Variants in CDK14 observed in about 807,000 individuals in gnomAD.
The protein encoded by CDK14 is cyclin-dependent kinase 14.
A neutral mutation model predicts 60.7 loss-of-function variants in CDK14; 34 were observed. That is an observed-to-expected ratio of 0.56 (90% CI 0.43 to 0.75). CDK14 has a LOEUF of 0.75. Among genes scored for constraint, CDK14 ranks in the 30% least tolerant of loss-of-function variants. The pLI is 0.00. For synonymous variants in CDK14, 197 were observed against 203.7 expected (o/e 0.97, Z 0.28); for missense variants, 482 against 564.1 (o/e 0.85, Z 1.47).
Position 90,596,547 on chromosome 7 carries a change from C to T in CDK14, c.-81C>T, listed in dbSNP as rs1360566899. ...GTGGTGGAGGAGGAGGCGCCGCTTT[C>T]CCCGCGGCGCGCGCCCTCGCCGTTG... On this transcript the variant is annotated 5_prime_UTR_variant, in exon 1 of 15. Coordinates refer to ENST00000380050, the MANE Select transcript of CDK14 (RefSeq NM_001287135.2). 3 of 1,236,884 alleles carry T rather than the reference C, an allele frequency of 2.4e-6. No homozygotes were observed. Among genetic ancestry groups the T allele is most frequent in the East Asian group, 2.4e-5 (1 of 41,064 alleles). The allele number at this position is 1,236,884 out of a possible 1,614,324, so 76.6% of individuals were successfully genotyped here.
chr7:90,838,178 CTTATGCCTGTT>C (rs1165277981), intron 5 of CDK14, among the ~76,000 whole-genome samples: 1 of 152,042 alleles, frequency 6.6e-6, no homozygotes, highest in Admixed American at 6.6e-5. Context: ...TTTATAATTT[CTTATGCCTGTT>C]TTACTGCAAT....
chr7:90,858,185 G>C (rs1198854653), intron 5 of CDK14, among the ~76,000 whole-genome samples: 1 of 152,110 alleles, frequency 6.6e-6, no homozygotes, highest in Non-Finnish European at 1.5e-5. Flanking sequence ...AAAATGACTT[G>C]ATGCTTTTCT....
At chr7:90,803,534 G>A (rs1788723180) in intron 5 of CDK14, among the ~76,000 whole-genome samples, 1 of 152,056 alleles carries the variant, frequency 6.6e-6, no homozygotes. Context: ...TTCTGGATTG[G>A]GTAATTAGGT....
intron 10 of CDK14, among the ~76,000 whole-genome samples, chr7:91,021,539 A>G (rs1796435027): frequency 6.6e-6 from 1 of 152,246 alleles, no homozygotes; most frequent in Admixed American, 6.5e-5. Flanking sequence ...ACACTGTGAT[A>G]CAAAAATGAA....
chr7:91,045,584 CT>C lies in CDK14; in HGVS notation c.1042-311del, dbSNP rs1372739949. Among the ~76,000 whole-genome samples, 3 of 152,238 alleles carry C rather than the reference CT, an allele frequency of 2.0e-5. No individual in the cohort carries two copies. In the South Asian group the frequency reaches 6.2e-4, roughly 32 times the overall value. ...AAGAATCATGAGGGACACATACAAA[CT>C]TCATTCAGCAGCATGAAGATGACAG... On this transcript the variant is annotated intron_variant, in intron 10 of 14. Coordinates refer to ENST00000380050, the MANE Select transcript of CDK14 (RefSeq NM_001287135.2).
At chr7:90,934,758 CA>C (rs1345381299) in intron 8 of CDK14, among the ~76,000 whole-genome samples, 1 of 152,082 alleles carries the variant, frequency 6.6e-6, no homozygotes, top group African/African-American at 2.4e-5. Context: ...CATTCCCTAC[CA>C]GATACAGATG....
intron 6 of CDK14, among the ~76,000 whole-genome samples, chr7:90,871,065 G>A (rs1230983554): frequency 6.6e-6 from 1 of 151,996 alleles, no homozygotes; most frequent in Admixed American, 6.6e-5. Flanking sequence ...AGTCTGTCGG[G>A]GTGTGCTGGA....
intron 3 of CDK14, among the ~76,000 whole-genome samples, chr7:90,737,133 C>G (rs1803152005): frequency 6.6e-6 from 1 of 152,160 alleles, no homozygotes; most frequent in South Asian, 2.1e-4. Flanking sequence ...CCTTCCCTCC[C>G]CTATTCCTGC....
rs1053649000 is a variant in CDK14, at chr7:90,849,579, T to C, written c.545-13596T>C. Among the ~76,000 whole-genome samples, 12 of 151,832 alleles carry C rather than the reference T, an allele frequency of 7.9e-5. 1 individual carries two copies. Among genetic ancestry groups the C allele is most frequent in the African/African-American group, 2.4e-4 (10 of 41,188 alleles). ...TATAAGAGCTCTGCGCTCTTGGGGA[T>C]TGGAGAGGGTGGGGAGCCATAGCAG... On this transcript the variant is annotated intron_variant, in intron 5 of 14. Transcript: ENST00000380050.
At chr7:90,905,610 C>G (rs1792671519) in intron 7 of CDK14, among the ~76,000 whole-genome samples, 1 of 152,122 alleles carries the variant, frequency 6.6e-6, no homozygotes, top group African/African-American at 2.4e-5. Context: ...ATGGTTCATT[C>G]CAGCCCCCAA....
intron 14 of CDK14, among the ~76,000 whole-genome samples, chr7:91,166,801 C>T (rs1801359933): frequency 6.6e-6 from 1 of 152,210 alleles, no homozygotes. Flanking sequence ...GAATTGATCA[C>T]TATTTTAAAA....
chr7:91,064,628 G>A lies in CDK14; in HGVS notation c.1106-14804G>A, dbSNP rs79080673. On this transcript the variant is annotated intron_variant, in intron 11 of 14. Transcript: ENST00000380050. Reference sequence around the variant, plus strand: ...GGTTCAGTCTCTGTCACTATAGCCCGCATCACAGCCTCAGGCAACTCAACC... The same window carrying A: ...GGTTCAGTCTCTGTCACTATAGCCCACATCACAGCCTCAGGCAACTCAACC... 5.0e-3 allele frequency among the ~76,000 whole-genome samples: 760 copies of A among 152,232 alleles called. 3 individuals are homozygous for A. Among genetic ancestry groups the A allele is most frequent in the Non-Finnish European group, 8.2e-3 (557 of 68,006 alleles).
intron 8 of CDK14, among the ~76,000 whole-genome samples, chr7:90,950,963 C>T (rs999105582): frequency 3.4e-5 from 5 of 147,614 alleles, no homozygotes; most frequent in African/African-American, 1.2e-4. Context: ...AACAGTGTTA[C>T]CACATCATAA....
chr7:90,785,802 AAAAAG>A lies in CDK14; in HGVS notation c.465-4769_465-4765del, dbSNP rs1341524557. ...ACTCCGTCTCAAAAAAAAAAAAAAA[AAAAAG>A]AGAAAACTTCTAGACCTTGCTTTAC... On this transcript the variant is annotated intron_variant, in intron 4 of 14. Coordinates refer to ENST00000380050, the MANE Select transcript of CDK14 (RefSeq NM_001287135.2). Among the ~76,000 whole-genome samples the A allele has an allele frequency of 5.6e-4, 84 of 149,722 alleles. 1 individual carries two copies. The South Asian group carries it at 0.011, about 19-fold the overall frequency.
intron 9 of CDK14, among the ~76,000 whole-genome samples, chr7:90,980,221 C>G (rs1795195209): frequency 6.6e-6 from 1 of 152,016 alleles, no homozygotes; most frequent in African/African-American, 2.4e-5. Context: ...GTAACTAATC[C>G]TAAAATAAGA....
chr7:90,709,926 GAA>G, intron 2 of CDK14: 1 of 1,163,686 alleles, frequency 8.6e-7, no homozygotes, highest in South Asian at 3.3e-5. Context: ...AGTTCCAGGT[GAA>G]TCAAGCCTGA....
chr7:90,887,482 A>G (rs1373936461), intron 6 of CDK14, among the ~76,000 whole-genome samples: 2 of 152,200 alleles, frequency 1.3e-5, no homozygotes, highest in East Asian at 1.9e-4. Context: ...CTCTGAAAGC[A>G]TTGTTATTCT....
At chr7:90,826,938 C>G (rs1052747948) in intron 5 of CDK14, among the ~76,000 whole-genome samples, 5 of 147,042 alleles carry the variant, frequency 3.4e-5, no homozygotes, top group Admixed American at 6.9e-5. Flanking sequence ...TTGTATAGTT[C>G]TTTGGGTTTT....
At chr7:91,155,665 A>G (rs1419873677) in intron 14 of CDK14, among the ~76,000 whole-genome samples, 2 of 152,234 alleles carry the variant, frequency 1.3e-5, no homozygotes, top group African/African-American at 4.8e-5. Flanking sequence ...CAAAAATACT[A>G]GAAAATAAAC....
Sources: gnomAD v4.1 joint callset for allele counts (sites outside exome capture counted in the v4.1 genomes callset) on GRCh38, gnomAD v4.1.1 for gene constraint, MANE v1.5 for transcripts, NCBI Gene and HGNC (gene_info 2026-07-23, HGNC 2026-07-21) for gene names.